HERC4: variants seen among roughly 807,000 people sequenced by gnomAD.
HERC4 encodes the protein probable E3 ubiquitin-protein ligase HERC4.
A neutral mutation model predicts 124.3 loss-of-function variants in HERC4; 28 were observed. That is an observed-to-expected ratio of 0.23 (90% CI 0.17 to 0.31). HERC4 has a LOEUF of 0.31. Ranked by LOEUF, HERC4 falls within the 10% of genes least tolerant of loss-of-function variation. The pLI is 1.00. For missense variants in HERC4, 713 were observed against 1,229.3 expected, an observed-to-expected ratio of 0.58 and a Z score of 6.28; for synonymous variants, 407 against 421.5, an observed-to-expected ratio of 0.97 and a Z score of 0.42.
intron 1 of HERC4, 149 bp downstream of exon 1, chr10:68,074,995 G>C (rs1455549212): frequency 6.6e-6 from 1 of 152,650 alleles, no homozygotes; most frequent in Non-Finnish European, 1.5e-5. Context: ...GGCGGCCCCT[G>C]CCCAGAGAGC....
intron 9 of HERC4, chr10:68,008,051 T>C (rs1481458147): frequency 6.6e-6 from 1 of 152,260 alleles, no homozygotes; most frequent in Non-Finnish European, 1.5e-5. Context: ...ATAGAGGTAC[T>C]GCCTTGGTGA....
At chr10:68,033,385 C>A (rs745552503) in intron 6 of HERC4, among the ~76,000 whole-genome samples, 4 of 152,104 alleles carry the variant, frequency 2.6e-5, no homozygotes, top group African/African-American at 4.8e-5. Context: ...TCACTTTTGT[C>A]CATTTCAGTC....
intron 15 of HERC4, among the ~76,000 whole-genome samples, chr10:67,986,854 A>G (rs1476265007): frequency 6.6e-6 from 1 of 152,150 alleles, no homozygotes; most frequent in African/African-American, 2.4e-5. Flanking sequence ...ATAATACTAT[A>G]TGTGATCTAG....
chr10:67,977,320 C>A (rs1341459445), intron 15 of HERC4, among the ~76,000 whole-genome samples: 3 of 152,126 alleles, frequency 2.0e-5, no homozygotes, highest in Non-Finnish European at 4.4e-5. Context: ...CAGAAGGGAA[C>A]CCACTGCCTC....
chr10:67,959,659 G>GT (rs1209078001), intron 16 of HERC4, among the ~76,000 whole-genome samples: 1 of 151,894 alleles, frequency 6.6e-6, no homozygotes, highest in Non-Finnish European at 1.5e-5. Context: ...AAAACATAAG[G>GT]TATCTTACAT....
intron 8 of HERC4, among the ~76,000 whole-genome samples, chr10:68,024,392 A>G (rs2038796888): frequency 6.6e-6 from 1 of 152,162 alleles, no homozygotes; most frequent in Admixed American, 6.5e-5. Flanking sequence ...AGTGTCCTCT[A>G]TAACCCAGTA....
At chr10:67,960,459 C>A (rs960959358) in intron 16 of HERC4, among the ~76,000 whole-genome samples, 9 of 152,134 alleles carry the variant, frequency 5.9e-5, no homozygotes, top group African/African-American at 2.2e-4. Flanking sequence ...AATCTCGTCT[C>A]ACCGCAACCT....
chr10:68,005,698 T>C (rs2037503012), intron 9 of HERC4, among the ~76,000 whole-genome samples: 1 of 151,786 alleles, frequency 6.6e-6, no homozygotes, highest in South Asian at 2.1e-4. Context: ...TTTCTGTGCA[T>C]CTATTAATTT....
rs748473068 is a variant in HERC4, at chr10:67,936,171, G to C, written c.2636C>G (p.Ala879Gly). ...KELVLNGADTAVNKQNRQEFV... is the reference protein window; with the variant it reads ...KELVLNGADTGVNKQNRQEFV... ...CACTTACCGATTTTGTTTGTTAACAGCTGTGTCTGCACCATTTAGAACCAG... is the reference window on the plus strand; with the variant it reads ...CACTTACCGATTTTGTTTGTTAACACCTGTGTCTGCACCATTTAGAACCAG... The change falls in exon 22 of 25, where the codon GCT (alanine) becomes GGT (glycine). Residue 879 changes from alanine (A) to glycine (G), a missense_variant. Physicochemically the swap from Ala to Gly is moderately conservative, Grantham distance 60. Transcript: ENST00000373700. The C allele has an allele frequency of 6.3e-7, 1 of 1,596,248 alleles. No individual in the cohort carries two copies. The highest frequency in any genetic ancestry group is 1.8e-5 in the Admixed American group (1 of 56,470).
chr10:67,986,647 C>A (rs952843914), intron 15 of HERC4, among the ~76,000 whole-genome samples: 1 of 152,146 alleles, frequency 6.6e-6, no homozygotes, highest in African/African-American at 2.4e-5. Context: ...TGAGCCATCA[C>A]GCCCAGCCCA....
At chr10:68,045,549 C>A (rs191000186) in intron 3 of HERC4, among the ~76,000 whole-genome samples, 1 of 152,180 alleles carries the variant, frequency 6.6e-6, no homozygotes, top group Non-Finnish European at 1.5e-5. Flanking sequence ...CAGAAATTAA[C>A]TTAAAATATT....
At chr10:67,943,019 C>A (rs2033044943) in intron 19 of HERC4, among the ~76,000 whole-genome samples, 2 of 152,260 alleles carry the variant, frequency 1.3e-5, no homozygotes, top group South Asian at 4.1e-4. Context: ...GTACTTTGCC[C>A]ACTTATCTTT....
intron 3 of HERC4, chr10:68,070,249 T>G (rs2041504206): frequency 1.0e-6 from 1 of 975,174 alleles, no homozygotes; most frequent in East Asian, 1.1e-4. Flanking sequence ...CATTAACGAA[T>G]TATTCCAAAT....
At chr10:68,063,509 T>C (rs1490274825) in intron 3 of HERC4, among the ~76,000 whole-genome samples, 1 of 152,136 alleles carries the variant, frequency 6.6e-6, no homozygotes, top group Non-Finnish European at 1.5e-5. Flanking sequence ...CACTCAGCCT[T>C]GTCATACATT....
At chr10:67,993,179 TA>T (rs1842066814) in intron 9 of HERC4, 1 of 152,128 alleles carries the variant, frequency 6.6e-6, no homozygotes, top group South Asian at 2.1e-4. Flanking sequence ...ACCCCATCTC[TA>T]CTAAAAATAC....
intron 5 of HERC4, among the ~76,000 whole-genome samples, chr10:68,037,302 G>A (rs1319922793): frequency 1.3e-5 from 2 of 151,884 alleles, no homozygotes; most frequent in Non-Finnish European, 2.9e-5. Flanking sequence ...TACCATGTTG[G>A]CCAGGCTGGT....
chr10:67,970,470 T>C (rs904503733), intron 15 of HERC4, among the ~76,000 whole-genome samples: 2 of 152,044 alleles, frequency 1.3e-5, no homozygotes, highest in African/African-American at 4.8e-5. Flanking sequence ...CACATGCCTG[T>C]AATCCCAGCA....
intron 3 of HERC4, among the ~76,000 whole-genome samples, chr10:68,053,864 G>A (rs891258168): frequency 1.3e-5 from 2 of 152,164 alleles, no homozygotes; most frequent in Non-Finnish European, 2.9e-5. Flanking sequence ...TTGTGTTCAC[G>A]TTAACAGGAT....
rs1463309516 is a variant in HERC4 at position 67,954,975 on chromosome 10, C to T, written c.2181G>A (p.Lys727=). 1.3e-6 allele frequency: 2 copies of T among 1,599,910 alleles called. No individual in the cohort carries two copies. Among genetic ancestry groups the T allele is most frequent in the South Asian group, 1.1e-5 (1 of 88,826 alleles). Residue 727 remains lysine (K), a synonymous_variant, in exon 18 of 25, where the codon AAG becomes AAA. Transcript: ENST00000373700. ...VLRKTKNIDY[K]KPLKVIFVGE... ...AATGTCAAATTACCTTGAGTGGCTTCTTGTAATCTATGTTCTTTGTTTTCC... is the reference window on the plus strand; with the variant it reads ...AATGTCAAATTACCTTGAGTGGCTTTTTGTAATCTATGTTCTTTGTTTTCC...
Sources: gnomAD v4.1 joint callset for allele counts (sites outside exome capture counted in the v4.1 genomes callset) on GRCh38, gnomAD v4.1.1 for gene constraint, MANE v1.5 for transcripts, NCBI Gene and HGNC (gene_info 2026-07-23, HGNC 2026-07-21) for gene names.